MACROD2: variants seen among roughly 807,000 people sequenced by gnomAD.
MACROD2 encodes mono-ADP ribosylhydrolase 2.
In MACROD2, 36 loss-of-function variants were observed where a neutral mutation model predicts 70.4. The ratio of observed to expected loss-of-function variants is 0.51; its 90% CI spans 0.39 to 0.68. The LOEUF (loss-of-function observed/expected upper bound fraction) is 0.68. Ranked by LOEUF, MACROD2 falls within the 30% of genes least tolerant of loss-of-function variation. MACROD2 has a pLI of 0.00. For synonymous variants in MACROD2, 172 were observed against 178.8 expected (o/e 0.96, Z 0.30); for missense variants, 496 against 538.4 (o/e 0.92, Z 0.78).
intron 12 of MACROD2, among the ~76,000 whole-genome samples, chr20:15,951,167 A>G (rs1459793325): frequency 1.3e-5 from 2 of 152,030 alleles, no homozygotes; most frequent in African/African-American, 4.8e-5. Context: ...ACATTCTCTC[A>G]AGTTTCAGAA....
At chr20:15,317,523 A>ATCTATCTATCTATCTG (rs142419875) in intron 6 of MACROD2, among the ~76,000 whole-genome samples, 102 of 149,398 alleles carry the variant, frequency 6.8e-4, no homozygotes, top group East Asian at 2.0e-3. Flanking sequence ...CTATCTATCT[A>ATCTATCTATCTATCTG]TCTGTCTATC....
chr20:15,079,853 A>T (rs1356893121), intron 5 of MACROD2, among the ~76,000 whole-genome samples: 1 of 152,008 alleles, frequency 6.6e-6, no homozygotes, highest in Non-Finnish European at 1.5e-5. Context: ...GTCCCTCATC[A>T]CTAAGAAAAC....
At chr20:15,642,634 AC>A (rs2049478949) in intron 8 of MACROD2, among the ~76,000 whole-genome samples, 1 of 129,644 alleles carries the variant, frequency 7.7e-6, no homozygotes, top group Non-Finnish European at 1.6e-5. Flanking sequence ...ACACACACAC[AC>A]ACACACGTGT....
chr20:15,060,345 G>A (rs977789916), intron 5 of MACROD2, among the ~76,000 whole-genome samples: 2 of 152,142 alleles, frequency 1.3e-5, no homozygotes, highest in African/African-American at 4.8e-5. Flanking sequence ...GGCAAGTTCT[G>A]GCTTGATCTT....
intron 8 of MACROD2, among the ~76,000 whole-genome samples, chr20:15,825,995 A>G (rs1438714262): frequency 1.3e-5 from 2 of 152,210 alleles, no homozygotes; most frequent in Admixed American, 1.3e-4. Context: ...ATCCAGGGCC[A>G]TCCTGAAGAT....
intron 4 of MACROD2, among the ~76,000 whole-genome samples, chr20:14,553,965 A>C (rs1039336897): frequency 2.6e-5 from 4 of 152,178 alleles, no homozygotes; most frequent in African/African-American, 9.6e-5. Flanking sequence ...CCTCAATGGC[A>C]TTATGAATCA....
chr20:15,372,366 A>T (rs1463113357), intron 6 of MACROD2, among the ~76,000 whole-genome samples: 1 of 152,246 alleles, frequency 6.6e-6, no homozygotes, highest in Admixed American at 6.5e-5. Context: ...GGTTTTTGGC[A>T]TCCAACAGTG....
At chr20:15,940,292 C>T (rs922557239) in intron 12 of MACROD2, among the ~76,000 whole-genome samples, 1 of 150,796 alleles carries the variant, frequency 6.6e-6, no homozygotes, top group Admixed American at 6.6e-5. Flanking sequence ...GACGGGGTTT[C>T]ACCATGTTAT....
chr20:15,570,453 G>T (rs1420438), intron 8 of MACROD2, among the ~76,000 whole-genome samples: 27,697 of 151,940 alleles, frequency 0.18, 5,531 homozygotes, highest in African/African-American at 0.48. Flanking sequence ...ACTACAACTC[G>T]TATGTACATC....
intron 5 of MACROD2, among the ~76,000 whole-genome samples, chr20:14,748,584 G>T (rs540642629): frequency 6.6e-6 from 1 of 152,070 alleles, no homozygotes; most frequent in South Asian, 2.1e-4. Flanking sequence ...GTAGAGAACT[G>T]TTAAATAAAA....
At chr20:15,255,232 A>C (rs896537600) in intron 6 of MACROD2, among the ~76,000 whole-genome samples, 6 of 152,030 alleles carry the variant, frequency 3.9e-5, no homozygotes, top group African/African-American at 1.4e-4. Context: ...TAATGTAAGA[A>C]GATTCTGAGG....
intron 4 of MACROD2, among the ~76,000 whole-genome samples, chr20:14,683,527 A>C (rs73102591): frequency 6.6e-6 from 1 of 152,172 alleles, no homozygotes; most frequent in Non-Finnish European, 1.5e-5. Flanking sequence ...GATCATTGTC[A>C]AACTTTGGTG....
At chr20:15,720,670 G>T (rs1363704720) in intron 8 of MACROD2, among the ~76,000 whole-genome samples, 1 of 152,136 alleles carries the variant, frequency 6.6e-6, no homozygotes, top group Non-Finnish European at 1.5e-5. Context: ...TGGACTATTG[G>T]CAGTGAGAGG....
intron 8 of MACROD2, among the ~76,000 whole-genome samples, chr20:15,581,478 T>C (rs1193983029): frequency 1.3e-5 from 2 of 152,194 alleles, no homozygotes; most frequent in African/African-American, 2.4e-5. Context: ...GTTATCTGGG[T>C]AACTGAAAGG....
At chr20:14,879,957 G>A (rs965931480) in intron 5 of MACROD2, among the ~76,000 whole-genome samples, 5 of 152,104 alleles carry the variant, frequency 3.3e-5, no homozygotes, top group African/African-American at 9.7e-5. Flanking sequence ...ATCTTAGTAG[G>A]AATTAAACTT....
chr20:15,820,680 C>T (rs1365217620), intron 8 of MACROD2, among the ~76,000 whole-genome samples: 1 of 152,266 alleles, frequency 6.6e-6, no homozygotes, highest in East Asian at 1.9e-4. Flanking sequence ...TCACTGCTAT[C>T]TTTTCTCTGC....
chr20:15,532,628 A>G (rs570519950), intron 8 of MACROD2, among the ~76,000 whole-genome samples: 1 of 151,570 alleles, frequency 6.6e-6, no homozygotes, highest in South Asian at 2.1e-4. Context: ...TTATAAGAAC[A>G]AACAAGTGAA....
intron 5 of MACROD2, among the ~76,000 whole-genome samples, chr20:14,816,203 A>G (rs1041950441): frequency 1.3e-5 from 2 of 152,058 alleles, no homozygotes; most frequent in African/African-American, 4.8e-5. Context: ...GGGAGGATGG[A>G]AGGAGAGTTT....
intron 5 of MACROD2, among the ~76,000 whole-genome samples, chr20:15,221,725 A>T (rs1163423544): frequency 6.6e-6 from 1 of 152,202 alleles, no homozygotes; most frequent in African/African-American, 2.4e-5. Context: ...GTAGAAATTG[A>T]TTGAATGATA....
Sources: gnomAD v4.1 joint callset for allele counts (sites outside exome capture counted in the v4.1 genomes callset) on GRCh38, gnomAD v4.1.1 for gene constraint, MANE v1.5 for transcripts, NCBI Gene and HGNC (gene_info 2026-07-23, HGNC 2026-07-21) for gene names.